THSD7B: variants seen among roughly 807,000 people sequenced by gnomAD.
The protein encoded by THSD7B is thrombospondin type 1 domain containing 7B.
THSD7B carries 138 observed loss-of-function variants against 213.6 expected under a neutral mutation model. The observed-to-expected ratio is 0.65, with a 90% confidence interval of 0.56 to 0.74. THSD7B has a LOEUF of 0.74. THSD7B is among the 30% of genes least tolerant of loss of function. The pLI, the probability that THSD7B is intolerant of heterozygous loss-of-function variation, is 0.00. For synonymous variants in THSD7B, 742 were observed against 687.0 expected (o/e 1.08, Z -1.25); for missense variants, 1,931 against 1,991.5 (o/e 0.97, Z 0.58).
At chr2:136,853,064 GTGTATGTGTTCATGTGCGTGTGTT>G (rs1318446087) in intron 1 of THSD7B, among the ~76,000 whole-genome samples, 2 of 151,888 alleles carry the variant, frequency 1.3e-5, no homozygotes, top group Non-Finnish European at 2.9e-5. Flanking sequence ...GTGCATGTGT[GTGTATGTGTTCATGTGCGTGTGTT>G]TGTGAATACT....
At chr2:137,560,539 A>G (rs6723115) in intron 15 of THSD7B, among the ~76,000 whole-genome samples, 1 of 151,736 alleles carries the variant, frequency 6.6e-6, no homozygotes, top group African/African-American at 2.4e-5. Context: ...AGGAGGGGGA[A>G]CATCACACAC....
At chr2:137,252,310 AT>A in intron 10 of THSD7B, among the ~76,000 whole-genome samples, 1 of 144,124 alleles carries the variant, frequency 6.9e-6, no homozygotes, top group East Asian at 2.1e-4. Context: ...GGGGGGCTTG[AT>A]GGGAATTTAT....
chr2:137,077,260 A>G lies in THSD7B; in HGVS notation c.951-17613A>G, dbSNP rs181788793. Among the ~76,000 whole-genome samples, 264 of 152,084 alleles carry G rather than the reference A, an allele frequency of 1.7e-3. 1 individual carries two copies. Among genetic ancestry groups the G allele is most frequent in the African/African-American group, 6.2e-3 (257 of 41,488 alleles). ...TTTGGGTTGGTTCCATGTCTTTGCT[A>G]TTGTGAATAGTGCCGCAATAAACAT... On this transcript the variant is annotated intron_variant, in intron 3 of 27. Transcript: ENST00000409968.
At chr2:137,468,600 A>C (rs935237727) in intron 15 of THSD7B, among the ~76,000 whole-genome samples, 4 of 71,110 alleles carry the variant, frequency 5.6e-5, no homozygotes, top group African/African-American at 2.2e-4. Flanking sequence ...AAAGCTTCAG[A>C]GGCAAATAGA....
chr2:136,789,437 G>A (rs1387888943), intron 1 of THSD7B, among the ~76,000 whole-genome samples: 1 of 151,946 alleles, frequency 6.6e-6, no homozygotes, highest in Non-Finnish European at 1.5e-5. Flanking sequence ...AGAAATCAGG[G>A]TAATTGGCAT....
At chr2:136,866,370 G>A (rs1041956842) in intron 1 of THSD7B, among the ~76,000 whole-genome samples, 1 of 151,944 alleles carries the variant, frequency 6.6e-6, no homozygotes, top group African/African-American at 2.4e-5. Context: ...CAGAGGTCAC[G>A]TTCTGTATTA....
At chr2:137,376,659 A>G (rs532258484) in intron 12 of THSD7B, among the ~76,000 whole-genome samples, 1 of 152,232 alleles carries the variant, frequency 6.6e-6, no homozygotes, top group African/African-American at 2.4e-5. Context: ...TACATAAAAT[A>G]GGGGTTTAAG....
chr2:136,817,717 C>T (rs1011753351), intron 1 of THSD7B, among the ~76,000 whole-genome samples: 2 of 151,746 alleles, frequency 1.3e-5, no homozygotes, highest in Non-Finnish European at 2.9e-5. Flanking sequence ...ACAAACAACC[C>T]CATCAAAAAG....
At chr2:137,504,609 A>G (rs977936849) in intron 15 of THSD7B, among the ~76,000 whole-genome samples, 8 of 152,194 alleles carry the variant, frequency 5.3e-5, no homozygotes, top group African/African-American at 1.9e-4. Context: ...TTAGATCCCC[A>G]CTGAAGATTT....
intron 4 of THSD7B, among the ~76,000 whole-genome samples, chr2:137,113,313 A>C (rs942397591): frequency 6.6e-6 from 1 of 152,228 alleles, no homozygotes; most frequent in Admixed American, 6.5e-5. Flanking sequence ...TGTGAGGAGA[A>C]AGGGTTTCAG....
chr2:137,670,785 G>A (rs371473753), intron 27 of THSD7B, among the ~76,000 whole-genome samples: 7 of 151,972 alleles, frequency 4.6e-5, no homozygotes, highest in Non-Finnish European at 8.8e-5. Flanking sequence ...GCCAGGTGTG[G>A]TGGCGGGCGC....
chr2:136,768,718 CA>C (rs923783357), intron 1 of THSD7B, among the ~76,000 whole-genome samples: 1 of 152,124 alleles, frequency 6.6e-6, no homozygotes, highest in South Asian at 2.1e-4. Flanking sequence ...ATTGTATTAT[CA>C]AAAACTACAT....
chr2:136,865,988 T>G lies in THSD7B; in HGVS notation c.-35-16156T>G, dbSNP rs868430990. Among the ~76,000 whole-genome samples, 5 of 152,304 alleles carry G rather than the reference T, an allele frequency of 3.3e-5. No homozygotes were observed. In the South Asian group the frequency reaches 1.0e-3, roughly 32 times the overall value. On this transcript the variant is annotated intron_variant, in intron 1 of 27. Coordinates refer to ENST00000409968, the MANE Select transcript of THSD7B (RefSeq NM_001316349.2). ...ACAAATGACCTGTAAGATGACATAT[T>G]GTGTTACCTATTGTCTCATAAATAT... is the stretch of plus-strand genomic sequence containing the variant.
intron 2 of THSD7B, among the ~76,000 whole-genome samples, chr2:136,906,742 C>G (rs1168477327): frequency 6.6e-6 from 1 of 151,902 alleles, no homozygotes. Flanking sequence ...AGTGATCTTT[C>G]TTTTTAGTGG....
chr2:137,537,380 T>C (rs1680527464), intron 15 of THSD7B, among the ~76,000 whole-genome samples: 1 of 151,762 alleles, frequency 6.6e-6, no homozygotes. Context: ...CGTATTCTTC[T>C]TTTAATTAGG....
chr2:137,312,157 G>A (rs1281677175), intron 12 of THSD7B, among the ~76,000 whole-genome samples: 1 of 152,070 alleles, frequency 6.6e-6, no homozygotes, highest in Admixed American at 6.6e-5. Context: ...TTGTTGGTAA[G>A]CTATTGATTA....
At chr2:137,074,455 C>T (rs1311074150) in intron 3 of THSD7B, among the ~76,000 whole-genome samples, 1 of 152,070 alleles carries the variant, frequency 6.6e-6, no homozygotes, top group Admixed American at 6.5e-5. Context: ...TTCCTCCATC[C>T]CTTTATTTTG....
intron 12 of THSD7B, among the ~76,000 whole-genome samples, chr2:137,313,883 G>T (rs1684000121): frequency 6.6e-6 from 1 of 152,316 alleles, no homozygotes; most frequent in East Asian, 1.9e-4. Context: ...TCTGCTGTTA[G>T]TCTGATGGGC....
intron 2 of THSD7B, among the ~76,000 whole-genome samples, chr2:136,961,040 G>C (rs1369034653): frequency 1.7e-5 from 2 of 114,296 alleles, no homozygotes. Context: ...AGTGAGCCAA[G>C]ACCGCGCCAC....
Sources: gnomAD v4.1 joint callset for allele counts (sites outside exome capture counted in the v4.1 genomes callset) on GRCh38, gnomAD v4.1.1 for gene constraint, MANE v1.5 for transcripts, NCBI Gene and HGNC (gene_info 2026-07-23, HGNC 2026-07-21) for gene names.